The following XKR4 variants were observed in gnomAD, a reference collection of about 807,000 sequenced individuals.
XKR4 encodes XK-related protein 4.
In XKR4, 12 loss-of-function variants were observed where a neutral mutation model predicts 53.9. That is an observed-to-expected ratio of 0.22 (90% CI 0.14 to 0.36). XKR4 has a LOEUF of 0.36. Ranked by LOEUF, XKR4 falls within the 10% of genes least tolerant of loss-of-function variation. XKR4 has a pLI of 1.00. For synonymous variants in XKR4, 354 were observed against 362.4 expected (o/e 0.98, Z 0.26); for missense variants, 799 against 859.5 (o/e 0.93, Z 0.88).
chr8:55,262,531 T>C (rs60865181), intron 1 of XKR4, among the ~76,000 whole-genome samples: 1 of 151,978 alleles, frequency 6.6e-6, no homozygotes, highest in African/African-American at 2.4e-5. Context: ...TTAAAGAAGA[T>C]AACGGAAAGA....
chr8:55,408,598 A>C (rs935948857), intron 2 of XKR4, among the ~76,000 whole-genome samples: 3 of 152,192 alleles, frequency 2.0e-5, no homozygotes, highest in African/African-American at 7.2e-5. Flanking sequence ...GACTATGTGG[A>C]CACAATGGTC....
chr8:55,499,313 G>T (rs1051341191), intron 2 of XKR4, among the ~76,000 whole-genome samples: 1 of 152,074 alleles, frequency 6.6e-6, no homozygotes, highest in Non-Finnish European at 1.5e-5. Context: ...TAAAGAAAGG[G>T]GTTATTAACA....
intron 1 of XKR4, among the ~76,000 whole-genome samples, chr8:55,238,604 G>C (rs989387119): frequency 6.6e-6 from 1 of 152,070 alleles, no homozygotes; most frequent in Non-Finnish European, 1.5e-5. Flanking sequence ...CCACTTCCCT[G>C]TGCCCTCATC....
intron 1 of XKR4, among the ~76,000 whole-genome samples, chr8:55,111,917 T>C (rs1396745904): frequency 2.0e-5 from 3 of 152,176 alleles, no homozygotes; most frequent in African/African-American, 7.2e-5. Context: ...AAAATTGGAT[T>C]TAAAACAAAG....
At chr8:55,150,198 A>G (rs1368567348) in intron 1 of XKR4, among the ~76,000 whole-genome samples, 1 of 152,238 alleles carries the variant, frequency 6.6e-6, no homozygotes, top group African/African-American at 2.4e-5. Flanking sequence ...CTTCAAGTTA[A>G]TCAGAGCAAT....
rs1807035564 is a variant in XKR4, at chr8:55,536,597, T to G, written c.*12370T>G. 1 of 147,346 alleles carries G rather than the reference T, an allele frequency of 6.8e-6. No individual in the cohort carries two copies. The highest frequency in any genetic ancestry group is 2.2e-4 in the South Asian group (1 of 4,560). 9.1% of individuals were successfully genotyped at this position (147,346 alleles called of 1,614,324 possible). On this transcript the variant is annotated 3_prime_UTR_variant, in exon 3 of 3. Transcript: ENST00000327381. ...GTCTGGTGTTTCTGGATAGACAGAC[T>G]GCTCCGGTGTTGTAAGTAATGGAAT...
chr8:55,398,117 C>T (rs78129086), intron 2 of XKR4, among the ~76,000 whole-genome samples: 4,193 of 152,258 alleles, frequency 0.028, 173 homozygotes, highest in African/African-American at 0.095. Flanking sequence ...CAGGGATATG[C>T]GCACTTTCAG....
intron 2 of XKR4, among the ~76,000 whole-genome samples, chr8:55,405,882 G>A (rs113658840): frequency 0.021 from 3,267 of 152,328 alleles, 42 homozygotes; most frequent in Middle Eastern, 0.037. Context: ...AGGCATCTCT[G>A]CTGACTTCCT....
At chr8:55,163,138 T>C (rs1817009568) in intron 1 of XKR4, among the ~76,000 whole-genome samples, 1 of 152,152 alleles carries the variant, frequency 6.6e-6, no homozygotes, top group Admixed American at 6.5e-5. Flanking sequence ...ATAAATCCAC[T>C]CCCCTCCTGT....
chr8:55,461,900 G>A (rs548653165), intron 2 of XKR4, among the ~76,000 whole-genome samples: 82 of 152,298 alleles, frequency 5.4e-4, no homozygotes, highest in African/African-American at 1.9e-3. Context: ...TGAATGATAT[G>A]AAGCATGAAG....
intron 1 of XKR4, among the ~76,000 whole-genome samples, chr8:55,185,125 A>T (rs1179145562): frequency 6.6e-6 from 1 of 152,232 alleles, no homozygotes. Flanking sequence ...ACACAAAGTA[A>T]ATTTATTTTT....
intron 2 of XKR4, among the ~76,000 whole-genome samples, chr8:55,379,141 G>A (rs1310144541): frequency 6.6e-6 from 1 of 152,072 alleles, no homozygotes; most frequent in African/African-American, 2.4e-5. Flanking sequence ...TACAGTCTGG[G>A]GGTCAGATAT....
intron 1 of XKR4, among the ~76,000 whole-genome samples, chr8:55,267,085 G>A (rs906122262): frequency 3.9e-5 from 6 of 152,228 alleles, no homozygotes; most frequent in Non-Finnish European, 8.8e-5. Context: ...CATTTTGGAA[G>A]TTTTAGTATA....
intron 2 of XKR4, among the ~76,000 whole-genome samples, chr8:55,425,377 G>A (rs1044715568): frequency 6.7e-6 from 1 of 149,674 alleles, no homozygotes; most frequent in African/African-American, 2.4e-5. Context: ...ATCTGTTCTT[G>A]CCCCGTTGTT....
At chr8:55,190,213 G>T (rs567813213) in intron 1 of XKR4, among the ~76,000 whole-genome samples, 1 of 152,284 alleles carries the variant, frequency 6.6e-6, no homozygotes, top group South Asian at 2.1e-4. Flanking sequence ...GGCTGGAATG[G>T]CTGGGCTTGG....
chr8:55,263,332 G>A (rs899939211), intron 1 of XKR4, among the ~76,000 whole-genome samples: 6 of 152,194 alleles, frequency 3.9e-5, no homozygotes, highest in African/African-American at 1.4e-4. Context: ...GCCAAGGGCT[G>A]TAATCTGTGC....
intron 2 of XKR4, chr8:55,453,805 G>T: frequency 2.2e-6 from 1 of 453,952 alleles, no homozygotes; most frequent in Admixed American, 2.8e-5. Context: ...CTCATTGGGG[G>T]TGGTTCTCAT....
chr8:55,306,853 G>T (rs141303403), intron 1 of XKR4, among the ~76,000 whole-genome samples: 139 of 152,104 alleles, frequency 9.1e-4, no homozygotes, highest in African/African-American at 3.2e-3. Context: ...GGAGCAATTG[G>T]TGGTAAGATG....
chr8:55,158,898 C>T (rs893073439), intron 1 of XKR4, among the ~76,000 whole-genome samples: 6 of 152,194 alleles, frequency 3.9e-5, no homozygotes, highest in South Asian at 4.2e-4. Context: ...TAGTGTATGT[C>T]GAAGTCAGGT....
Sources: allele counts gnomAD v4.1 joint callset (sites outside exome capture counted in the v4.1 genomes callset), GRCh38; gene constraint gnomAD v4.1.1; transcripts MANE v1.5; gene names NCBI Gene and HGNC (gene_info 2026-07-23, HGNC 2026-07-21).